TRAPPC9: variants seen among roughly 807,000 people sequenced by gnomAD.
TRAPPC9 encodes trafficking protein particle complex subunit 9.
Under a neutral mutation model 124.0 loss-of-function variants are expected in TRAPPC9, and 83 were observed. The observed-to-expected ratio is 0.67, with a 90% CI of 0.56 to 0.80. The LOEUF is 0.80. TRAPPC9 is among the 30% of genes least tolerant of loss of function. The pLI, the probability that TRAPPC9 is intolerant of heterozygous loss-of-function variation, is 0.00. For synonymous variants in TRAPPC9, 638 were observed against 617.5 expected, an observed-to-expected ratio of 1.03 and a Z score of -0.49; for missense variants, 1,302 against 1,508.3, an observed-to-expected ratio of 0.86 and a Z score of 2.27.
intron 15 of TRAPPC9, among the ~76,000 whole-genome samples, chr8:140,268,866 C>T (rs1279403956): frequency 1.3e-5 from 2 of 152,132 alleles, no homozygotes; most frequent in South Asian, 2.1e-4. Context: ...CATGAACCAC[C>T]GCCAAAAGCA....
intron 11 of TRAPPC9, among the ~76,000 whole-genome samples, chr8:140,293,979 GCAGTGAATGGCCA>G (rs2065735236): frequency 6.6e-6 from 1 of 152,066 alleles, no homozygotes; most frequent in Non-Finnish European, 1.5e-5. Flanking sequence ...TCTGCACAAT[GCAGTGAATGGCCA>G]CAGTCTATGT....
intron 7 of TRAPPC9, among the ~76,000 whole-genome samples, chr8:140,392,512 A>C (rs1405820802): frequency 6.6e-6 from 1 of 152,222 alleles, no homozygotes; most frequent in Non-Finnish European, 1.5e-5. Flanking sequence ...TTATCTGCTC[A>C]GTACCCATTT....
chr8:139,923,713 T>A (rs1250365359), intron 19 of TRAPPC9, among the ~76,000 whole-genome samples: 3 of 152,178 alleles, frequency 2.0e-5, no homozygotes, highest in Non-Finnish European at 2.9e-5. Context: ...CCTGACTCAA[T>A]GCCTCAGACA....
chr8:140,045,659 A>AT (rs1841550046), intron 17 of TRAPPC9, among the ~76,000 whole-genome samples: 1 of 147,876 alleles, frequency 6.8e-6, no homozygotes, highest in Non-Finnish European at 1.5e-5. Context: ...AAAAAAAAAA[A>AT]CCAAGTCAGG....
chr8:140,049,643 T>C (rs1452505733), intron 17 of TRAPPC9, among the ~76,000 whole-genome samples: 1 of 151,676 alleles, frequency 6.6e-6, no homozygotes, highest in Non-Finnish European at 1.5e-5. Context: ...TTGAAACTCA[T>C]ATACAGCTGA....
chr8:140,159,692 A>C (rs2061712217), intron 17 of TRAPPC9, among the ~76,000 whole-genome samples: 1 of 152,170 alleles, frequency 6.6e-6, no homozygotes, highest in Admixed American at 6.5e-5. Context: ...AGCAAAAAAA[A>C]CCCAAATCAA....
intron 21 of TRAPPC9, among the ~76,000 whole-genome samples, chr8:139,876,349 A>G (rs1279050621): frequency 1.3e-5 from 2 of 152,180 alleles, no homozygotes; most frequent in Admixed American, 1.3e-4. Flanking sequence ...TGGGATCCAC[A>G]GCCTGCTCCA....
At chr8:139,858,622 T>A (rs888044647) in intron 21 of TRAPPC9, among the ~76,000 whole-genome samples, 1 of 151,976 alleles carries the variant, frequency 6.6e-6, no homozygotes, top group Non-Finnish European at 1.5e-5. Context: ...GGGTGGGAGA[T>A]CAGTGCTAGA....
At chr8:139,864,374 A>C (rs1828383578) in intron 21 of TRAPPC9, among the ~76,000 whole-genome samples, 1 of 152,242 alleles carries the variant, frequency 6.6e-6, no homozygotes, top group African/African-American at 2.4e-5. Context: ...CAGGGGTTAA[A>C]TTTGTTTTTA....
chr8:140,456,878 C>T, intron 1 of TRAPPC9: 3 of 981,656 alleles, frequency 3.1e-6, no homozygotes, highest in Non-Finnish European at 3.6e-6. Flanking sequence ...CATCCTAACA[C>T]GGGAAAACTT....
At chr8:140,275,906 A>G in intron 14 of TRAPPC9, 85 bp from the exon 15 acceptor site, 1 of 1,114,562 alleles carries the variant, frequency 9.0e-7, no homozygotes, top group East Asian at 2.4e-5. Context: ...AAGAAGAATC[A>G]CCATACTCAT....
chr8:140,325,438 G>A (rs765705710), intron 9 of TRAPPC9, among the ~76,000 whole-genome samples: 17 of 152,094 alleles, frequency 1.1e-4, no homozygotes, highest in Non-Finnish European at 2.2e-4. Flanking sequence ...ATCTATATCA[G>A]GAATAAAAAG....
intron 17 of TRAPPC9, among the ~76,000 whole-genome samples, chr8:140,084,226 A>C (rs1844038905): frequency 6.6e-6 from 1 of 152,192 alleles, no homozygotes; most frequent in Admixed American, 6.5e-5. Context: ...ACATTCTTAC[A>C]ATTTTAGCAT....
chr8:140,193,721 T>G (rs570902138), intron 17 of TRAPPC9, among the ~76,000 whole-genome samples: 1 of 151,202 alleles, frequency 6.6e-6, no homozygotes, highest in South Asian at 2.1e-4. Context: ...AGGCCCGCTG[T>G]GCTAATGGGA....
chr8:140,221,701 A>G (rs897195751), intron 16 of TRAPPC9, 118 bp from the exon 17 acceptor site: 72 of 1,346,146 alleles, frequency 5.3e-5, no homozygotes, highest in Non-Finnish European at 7.0e-5. Context: ...GCAGTGGTGC[A>G]ATCTCTGCTC....
intron 19 of TRAPPC9, among the ~76,000 whole-genome samples, chr8:139,955,960 G>C (rs1289130667): frequency 2.0e-5 from 3 of 151,998 alleles, no homozygotes; most frequent in African/African-American, 7.3e-5. Flanking sequence ...GATGCATCTT[G>C]GCCCTCAAGA....
chr8:140,207,614 T>C (rs934117973), intron 17 of TRAPPC9, among the ~76,000 whole-genome samples: 3 of 152,230 alleles, frequency 2.0e-5, no homozygotes, highest in African/African-American at 7.2e-5. Context: ...GAGTCCCACC[T>C]AGCACTGCAA....
chr8:139,813,531 G>A (rs187491737), intron 21 of TRAPPC9, among the ~76,000 whole-genome samples: 25 of 152,256 alleles, frequency 1.6e-4, no homozygotes, highest in Non-Finnish European at 2.8e-4. Flanking sequence ...GAGAGGAGGG[G>A]AGCACCAGGC....
intron 3 of TRAPPC9, among the ~76,000 whole-genome samples, chr8:140,437,978 C>T (rs2070879772): frequency 6.6e-6 from 1 of 152,148 alleles, no homozygotes; most frequent in Admixed American, 6.5e-5. Context: ...AGGATTTCTT[C>T]TTCCCTTTCT....
Sources: allele counts gnomAD v4.1 joint callset (sites outside exome capture counted in the v4.1 genomes callset), GRCh38; gene constraint gnomAD v4.1.1; transcripts MANE v1.5; gene names NCBI Gene and HGNC (gene_info 2026-07-23, HGNC 2026-07-21).